The following TET2 variants were observed in gnomAD, a reference collection of about 807,000 sequenced individuals.
TET2 encodes the protein tet methylcytosine dioxygenase 2, also known as methylcytosine dioxygenase TET2.
Under a neutral mutation model 142.9 loss-of-function variants are expected in TET2, and 299 were observed. The ratio of observed to expected loss-of-function variants is 2.09; its 90% CI spans 1.90 to 2.30. The LOEUF (loss-of-function observed/expected upper bound fraction) is 2.30, where lower values mean the gene tolerates loss of function less well. Among genes scored for constraint, TET2 ranks in the 30% most tolerant of loss-of-function variants. The pLI is 0.00. For missense variants in TET2, 2,418 were observed against 2,378.0 expected (o/e 1.02, Z -0.35); for synonymous variants, 819 against 849.0 (o/e 0.96, Z 0.61).
In TET2 at chr4:105,275,782, T is replaced by A. The variant is rs1267526114; in HGVS notation, c.5272T>A (p.Ser1758Thr). 1 of 1,551,586 alleles carries A rather than the reference T, an allele frequency of 6.4e-7. No individual in the cohort carries two copies. The highest frequency in any genetic ancestry group is 1.4e-5 in the African/African-American group (1 of 73,042). The change falls in exon 11 of 11, where the codon TCA becomes ACA. Residue 1758 changes from serine (S) to threonine (T), a missense_variant. Transcript: ENST00000380013. ...NMDYKNGEHH[S>T]PSHIIHNYSA... ...GGACTATAAAAATGGTGAACATCAT[T>A]CACCTTCTCACATAATCCATAACTA...
intron 2 of TET2, among the ~76,000 whole-genome samples, chr4:105,232,300 A>G (rs1174644291): frequency 6.6e-6 from 1 of 152,158 alleles, no homozygotes; most frequent in Non-Finnish European, 1.5e-5. Context: ...TGTCTTCGCT[A>G]TCATTAATAG....
intron 2 of TET2, among the ~76,000 whole-genome samples, chr4:105,195,565 A>C (rs1161814155): frequency 6.6e-6 from 1 of 152,168 alleles, no homozygotes; most frequent in Non-Finnish European, 1.5e-5. Context: ...CATGATTTAC[A>C]TATACCCTCC....
At chr4:105,270,826 G>A (rs1215710377) in intron 9 of TET2, among the ~76,000 whole-genome samples, 1 of 152,138 alleles carries the variant, frequency 6.6e-6, no homozygotes, top group African/African-American at 2.4e-5. Context: ...TTATCAACAT[G>A]GATGTAGGTG....
intron 2 of TET2, among the ~76,000 whole-genome samples, chr4:105,232,152 A>G (rs550681113): frequency 4.6e-5 from 7 of 152,234 alleles, no homozygotes; most frequent in African/African-American, 1.7e-4. Context: ...TTTGTTTAGG[A>G]TAATGGCCTC....
intron 1 of TET2, among the ~76,000 whole-genome samples, chr4:105,175,338 A>G (rs951177604): frequency 3.9e-5 from 6 of 152,198 alleles, no homozygotes; most frequent in Non-Finnish European, 5.9e-5. Context: ...AATGACATAC[A>G]AGAACAGATG....
intron 2 of TET2, chr4:105,202,422 C>T (rs577988284): frequency 6.6e-6 from 1 of 152,276 alleles, no homozygotes; most frequent in Admixed American, 6.5e-5. Flanking sequence ...AGGCTGGGTT[C>T]ACGCTTCAGG....
At chr4:105,185,951 G>T (rs1725412787) in intron 1 of TET2, among the ~76,000 whole-genome samples, 1 of 152,140 alleles carries the variant, frequency 6.6e-6, no homozygotes, top group Non-Finnish European at 1.5e-5. Flanking sequence ...ATATGGCTGG[G>T]CGTGGTGGCT....
Position 105,261,794 on chromosome 4 carries a change from C to T in TET2, c.3990C>T (p.Ser1330=). 1 of 1,549,326 alleles carries T rather than the reference C, an allele frequency of 6.5e-7. No homozygotes were observed. ...EKLESHLQNL[S]TLMAPTYKKL... ...TGGAGTCTCATTTGCAAAACCTGTC[C>T]ACTCTTATGGCACCAACATATAAGA... Residue 1330 remains serine, a synonymous_variant, in exon 8 of 11, where the codon TCC becomes TCT. Transcript: ENST00000380013.
chr4:105,210,079 A>G (rs1391143645), intron 2 of TET2, among the ~76,000 whole-genome samples: 1 of 152,160 alleles, frequency 6.6e-6, no homozygotes, highest in Non-Finnish European at 1.5e-5. Context: ...CCTCACACTG[A>G]TGGGGAATGT....
At chr4:105,152,349 T>C (rs1723345649) in intron 1 of TET2, among the ~76,000 whole-genome samples, 1 of 152,096 alleles carries the variant, frequency 6.6e-6, no homozygotes, top group South Asian at 2.1e-4. Flanking sequence ...TGAAGGACAG[T>C]CTAGGATATA....
In TET2 at chr4:105,236,144, G is replaced by C. The variant is rs1414580960; in HGVS notation, c.2202G>C (p.Gln734His). 6.2e-7 allele frequency: 1 copy of C among 1,614,044 alleles called. No individual in the cohort carries two copies. The highest frequency in any genetic ancestry group is 1.7e-5 in the Admixed American group (1 of 60,002). ...HKQAAQTQPSQSSHLPQNQQQ... is the reference protein window; with the variant it reads ...HKQAAQTQPSHSSHLPQNQQQ... ...AGGCAGCACAAACACAACCATCCCA[G>C]AGTTCACATCTCCCTCAAAACCAGC... Residue 734 changes from glutamine to histidine, a missense_variant, in exon 3 of 11, where the codon CAG becomes CAC. Coordinates refer to ENST00000380013, the MANE Select transcript of TET2 (RefSeq NM_001127208.3).
At chr4:105,241,201 A>G (rs1729278580) in intron 3 of TET2, 138 bp from the exon 4 acceptor site, 1 of 1,333,064 alleles carries the variant, frequency 7.5e-7, no homozygotes, top group East Asian at 2.7e-5. Context: ...CCATCAATCT[A>G]CTCATTTTAA....
chr4:105,212,955 A>C (rs1250105925), intron 2 of TET2, among the ~76,000 whole-genome samples: 7 of 152,038 alleles, frequency 4.6e-5, no homozygotes, highest in Non-Finnish European at 1.5e-5. Flanking sequence ...GTGCCACTGC[A>C]CTCTAGCCTG....
intron 6 of TET2, among the ~76,000 whole-genome samples, chr4:105,247,260 G>A (rs1254648785): frequency 1.3e-5 from 2 of 152,100 alleles, no homozygotes; most frequent in African/African-American, 4.8e-5. Context: ...AACATTTCAG[G>A]ATGTATTTCT....
intron 2 of TET2, among the ~76,000 whole-genome samples, chr4:105,229,216 T>C (rs1210248815): frequency 1.3e-5 from 2 of 152,238 alleles, no homozygotes; most frequent in Non-Finnish European, 2.9e-5. Context: ...CTAGTCACTG[T>C]TGGATGATGT....
chr4:105,253,380 T>C (rs1290819048), intron 6 of TET2, among the ~76,000 whole-genome samples: 1 of 152,108 alleles, frequency 6.6e-6, no homozygotes, highest in Non-Finnish European at 1.5e-5. Flanking sequence ...ATATAGACCA[T>C]GTACATATTA....
intron 1 of TET2, among the ~76,000 whole-genome samples, chr4:105,158,826 AG>A (rs1193146045): frequency 6.6e-6 from 1 of 152,116 alleles, no homozygotes; most frequent in African/African-American, 2.4e-5. Context: ...AAAAAAAGAA[AG>A]AAAAGACAAA....
chr4:105,243,556 G>T lies in TET2; in HGVS notation c.3595-14G>T. 1 of 1,551,230 alleles carries T rather than the reference G, an allele frequency of 6.4e-7. No homozygotes were observed. The highest frequency in any genetic ancestry group is 1.2e-5 in the South Asian group (1 of 84,002). Reference sequence around the variant, plus strand: ...GGGTGGGGGGTGTTTGGGATGGAATGGTGATCCACGCAGGTGGTTCGCAGA... The same window carrying T: ...GGGTGGGGGGTGTTTGGGATGGAATTGTGATCCACGCAGGTGGTTCGCAGA... On this transcript the variant is annotated splice_polypyrimidine_tract_variant and intron_variant, in intron 5 of 10. Transcript: ENST00000380013.
At chr4:105,159,070 C>T (rs1235795698) in intron 1 of TET2, among the ~76,000 whole-genome samples, 1 of 152,006 alleles carries the variant, frequency 6.6e-6, no homozygotes, top group African/African-American at 2.4e-5. Context: ...CTTTGAGTGT[C>T]TGTGGGCGGA....
Sources: gnomAD v4.1 joint callset for allele counts (sites outside exome capture counted in the v4.1 genomes callset) on GRCh38, gnomAD v4.1.1 for gene constraint, MANE v1.5 for transcripts, NCBI Gene and HGNC (gene_info 2026-07-23, HGNC 2026-07-21) for gene names.